The following AKAP9 variants were observed in gnomAD, a reference collection of about 807,000 sequenced individuals.
AKAP9 encodes the protein A-kinase anchoring protein 9.
Under a neutral mutation model 488.5 loss-of-function variants are expected in AKAP9, and 311 were observed. That is an observed-to-expected ratio of 0.64 (90% CI 0.58 to 0.70). The LOEUF is 0.70. Ranked by LOEUF, AKAP9 falls within the 30% of genes least tolerant of loss-of-function variation. AKAP9 has a pLI of 0.00. For synonymous variants in AKAP9, 1,462 were observed against 1,483.5 expected, an observed-to-expected ratio of 0.99 and a Z score of 0.33; for missense variants, 4,215 against 4,374.5, an observed-to-expected ratio of 0.96 and a Z score of 1.03.
intron 15 of AKAP9, 94 bp from the exon 16 acceptor site, chr7:92,031,418 T>C: frequency 1.2e-6 from 1 of 857,336 alleles, no homozygotes; most frequent in Non-Finnish European, 1.9e-6. Flanking sequence ...TTTCTAAAAA[T>C]ACTGATACTT....
chr7:92,070,930 C>T lies in AKAP9; in HGVS notation c.6533C>T (p.Ala2178Val), dbSNP rs772182187. The T allele has an allele frequency of 4.6e-5, 74 of 1,613,106 alleles. No homozygotes were observed. The South Asian group carries it at 7.8e-4, about 17-fold the overall frequency. The change falls in exon 28 of 50, where the codon GCT becomes GTT. Residue 2178 changes from alanine to valine, a missense_variant. Around this residue, in one of 5 missense-constraint regions of AKAP9, gnomAD observed 2,361 missense variants for 2,430.0 expected, o/e 0.97. Coordinates refer to ENST00000356239, the MANE Select transcript of AKAP9 (RefSeq NM_005751.5). ...QKVEDRKHFG[A>V]VEAKPELSLE... ...GTAGAGGACCGAAAACACTTTGGAGCTGTAGAAGCTAAACCAGAATTGTCC... is the reference window on the plus strand; with the variant it reads ...GTAGAGGACCGAAAACACTTTGGAGTTGTAGAAGCTAAACCAGAATTGTCC...
At chr7:91,969,561 A>G (rs1212241440) in intron 1 of AKAP9, among the ~76,000 whole-genome samples, 2 of 152,164 alleles carry the variant, frequency 1.3e-5, no homozygotes, top group Non-Finnish European at 2.9e-5. Context: ...AGATCTATTA[A>G]TACTTGCTTT....
chr7:91,994,597 C>T, intron 5 of AKAP9, 24 bp from the exon 6 acceptor site: 1 of 1,592,648 alleles, frequency 6.3e-7, no homozygotes, highest in South Asian at 1.1e-5. Context: ...AAAAATAAAT[C>T]TAGCACTTAC....
chr7:91,979,493 G>A (rs559695588), intron 2 of AKAP9, among the ~76,000 whole-genome samples: 1 of 152,298 alleles, frequency 6.6e-6, no homozygotes, highest in South Asian at 2.1e-4. Context: ...AGATTTGGAT[G>A]GGGGAACTCA....
At chr7:91,944,692 T>C (rs1193388748) in intron 1 of AKAP9, among the ~76,000 whole-genome samples, 1 of 152,176 alleles carries the variant, frequency 6.6e-6, no homozygotes, top group Non-Finnish European at 1.5e-5. Flanking sequence ...CAGCCTCAAA[T>C]GCCATTTTTT....
chr7:91,972,053 T>C (rs1795170801), intron 1 of AKAP9, among the ~76,000 whole-genome samples: 1 of 149,788 alleles, frequency 6.7e-6, no homozygotes, highest in African/African-American at 2.5e-5. Flanking sequence ...ATGTATATGA[T>C]GTCTTTAGCC....
intron 28 of AKAP9, among the ~76,000 whole-genome samples, chr7:92,072,574 C>G (rs1447956631): frequency 6.6e-6 from 1 of 151,832 alleles, no homozygotes; most frequent in Non-Finnish European, 1.5e-5. Flanking sequence ...TCTCTCAGAG[C>G]CTAAATTTGT....
At chr7:92,035,522 A>G (rs938397721) in intron 16 of AKAP9, among the ~76,000 whole-genome samples, 1 of 152,348 alleles carries the variant, frequency 6.6e-6, no homozygotes, top group Non-Finnish European at 1.5e-5. Context: ...TGAGTTCAAC[A>G]TACAACGAAT....
At chr7:92,030,076 A>G in intron 15 of AKAP9, 85 bp downstream of exon 15, 2 of 944,104 alleles carry the variant, frequency 2.1e-6, no homozygotes, top group Non-Finnish European at 3.3e-6. Context: ...TATCTAATAA[A>G]TAGTTGCTGA....
chr7:92,056,644 G>C (rs1384320502), intron 22 of AKAP9, among the ~76,000 whole-genome samples: 1 of 151,736 alleles, frequency 6.6e-6, no homozygotes, highest in South Asian at 2.1e-4. Context: ...AGAGGCAACT[G>C]CCCCTCCACA....
Position 92,001,140 on chromosome 7 carries a change from A to G in AKAP9, c.1223A>G (p.Asn408Ser), listed in dbSNP as rs761210281. 1 of 1,614,094 alleles carries G rather than the reference A, an allele frequency of 6.2e-7. No individual in the cohort carries two copies. ...ACAGTCGAAGAACTTCAGAAGAGAAATCATAAAGACAGCCAGTTCGAAACT... is the reference window on the plus strand; with the variant it reads ...ACAGTCGAAGAACTTCAGAAGAGAAGTCATAAAGACAGCCAGTTCGAAACT... ...MGTVEELQKRNHKDSQFETDI... is the reference protein window; with the variant it reads ...MGTVEELQKRSHKDSQFETDI... Residue 408 changes from asparagine to serine, a missense_variant, in exon 8 of 50, where the codon AAT (asparagine) becomes AGT (serine). Physicochemically the swap from Asn to Ser is conservative, Grantham distance 46. Around this residue, in one of 5 missense-constraint regions of AKAP9, gnomAD observed 2,361 missense variants for 2,430.0 expected, o/e 0.97. Transcript: ENST00000356239.
intron 1 of AKAP9, among the ~76,000 whole-genome samples, chr7:91,965,608 TAC>T (rs1361498196): frequency 6.6e-6 from 1 of 152,214 alleles, no homozygotes; most frequent in African/African-American, 2.4e-5. Flanking sequence ...AAATCCTCCA[TAC>T]AGTTTTCCAT....
intron 9 of AKAP9, among the ~76,000 whole-genome samples, chr7:92,013,728 G>A (rs1801112043): frequency 1.3e-5 from 2 of 152,090 alleles, no homozygotes; most frequent in Admixed American, 6.6e-5. Flanking sequence ...TTTCAGGAGT[G>A]CTTTGGGTTT....
chr7:91,985,098 C>T (rs1796898213), intron 3 of AKAP9, among the ~76,000 whole-genome samples: 1 of 152,216 alleles, frequency 6.6e-6, no homozygotes, highest in South Asian at 2.1e-4. Context: ...AATTGAATAC[C>T]CTTTATTTCT....
At chr7:91,966,137 C>T (rs1794419214) in intron 1 of AKAP9, among the ~76,000 whole-genome samples, 1 of 152,152 alleles carries the variant, frequency 6.6e-6, no homozygotes, top group Non-Finnish European at 1.5e-5. Context: ...AGTGATCCTC[C>T]TGCCTCGGCC....
chr7:92,056,652 A>G (rs1022046906), intron 22 of AKAP9, among the ~76,000 whole-genome samples: 3 of 151,870 alleles, frequency 2.0e-5, no homozygotes, highest in African/African-American at 7.2e-5. Flanking sequence ...CTGCCCCTCC[A>G]CAGCTACAAG....
intron 1 of AKAP9, among the ~76,000 whole-genome samples, chr7:91,947,548 G>T (rs1791619728): frequency 6.6e-6 from 1 of 152,022 alleles, no homozygotes; most frequent in Admixed American, 6.6e-5. Flanking sequence ...CACCATATTG[G>T]CCAGGCTGGT....
intron 26 of AKAP9, among the ~76,000 whole-genome samples, chr7:92,068,077 A>C (rs995166429): frequency 1.3e-5 from 2 of 152,036 alleles, no homozygotes; most frequent in Non-Finnish European, 2.9e-5. Flanking sequence ...ATCAGTCTCC[A>C]GGGCTGGGCG....
chr7:92,088,958 G>A (rs1815061995), intron 37 of AKAP9, among the ~76,000 whole-genome samples: 1 of 152,092 alleles, frequency 6.6e-6, no homozygotes, highest in Non-Finnish European at 1.5e-5. Context: ...AAAATAAAAA[G>A]TTTTTTAAAA....
Sources: gnomAD v4.1 joint callset for allele counts (sites outside exome capture counted in the v4.1 genomes callset) on GRCh38, gnomAD v4.1.1 for gene constraint, gnomAD v4.1.1 regional missense constraint, MANE v1.5 for transcripts, NCBI Gene and HGNC (gene_info 2026-07-23, HGNC 2026-07-21) for gene names.